The following C8orf34 variants were observed in gnomAD, a reference collection of about 807,000 sequenced individuals.
The protein encoded by C8orf34 is chromosome 8 open reading frame 34, also known as uncharacterized protein C8orf34.
In C8orf34, 65 loss-of-function variants were observed where a neutral mutation model predicts 68.3. That is an observed-to-expected ratio of 0.95 (90% CI 0.78 to 1.17). The LOEUF (loss-of-function observed/expected upper bound fraction) is 1.17, where lower values mean the gene tolerates loss of function less well. Ranked by LOEUF, C8orf34 falls within the 50% of genes most tolerant of loss-of-function variation. The pLI is 0.00. For missense variants in C8orf34, 664 were observed against 655.4 expected (o/e 1.01, Z -0.14); for synonymous variants, 244 against 241.2 (o/e 1.01, Z -0.11).
At chr8:68,763,043 T>C (rs1444891653) in intron 10 of C8orf34, among the ~76,000 whole-genome samples, 1 of 152,214 alleles carries the variant, frequency 6.6e-6, no homozygotes, top group African/African-American at 2.4e-5. Flanking sequence ...GATTGGTCTA[T>C]AAAGTCTGTC....
At chr8:68,391,834 C>T (rs2243700) in intron 1 of C8orf34, among the ~76,000 whole-genome samples, 13,106 of 152,156 alleles carry the variant, frequency 0.086, 660 homozygotes, top group Middle Eastern at 0.12. Context: ...AGACTCCTGC[C>T]GAGAGTGACA....
intron 1 of C8orf34, among the ~76,000 whole-genome samples, chr8:68,377,420 A>C (rs1350777588): frequency 7.4e-6 from 1 of 134,332 alleles, no homozygotes; most frequent in East Asian, 2.1e-4. Context: ...GGAGAAGGAG[A>C]AGGAAGAAAA....
At chr8:68,676,833 A>G (rs1304180284) in intron 8 of C8orf34, among the ~76,000 whole-genome samples, 1 of 152,254 alleles carries the variant, frequency 6.6e-6, no homozygotes, top group Non-Finnish European at 1.5e-5. Flanking sequence ...CCTCATAATC[A>G]TGACAGAAGG....
intron 1 of C8orf34, among the ~76,000 whole-genome samples, chr8:68,392,189 TCATTTAGG>T (rs1340979293): frequency 6.6e-6 from 1 of 152,012 alleles, no homozygotes; most frequent in African/African-American, 2.4e-5. Context: ...TAATTTTTTT[TCATTTAGG>T]CCTTTAATAA....
At chr8:68,704,508 A>G (rs1394114721) in intron 8 of C8orf34, among the ~76,000 whole-genome samples, 1 of 152,182 alleles carries the variant, frequency 6.6e-6, no homozygotes, top group Non-Finnish European at 1.5e-5. Flanking sequence ...TAGAGACTCA[A>G]ATGACTTACG....
intron 3 of C8orf34, among the ~76,000 whole-genome samples, chr8:68,464,894 G>A (rs1442855447): frequency 6.6e-6 from 1 of 151,286 alleles, no homozygotes; most frequent in African/African-American, 2.4e-5. Flanking sequence ...GCATGTGCAA[G>A]GACTTCATGT....
chr8:68,475,663 T>C (rs1195060801), intron 4 of C8orf34, among the ~76,000 whole-genome samples: 1 of 151,988 alleles, frequency 6.6e-6, no homozygotes, highest in Admixed American at 6.5e-5. Context: ...AGTAAGCACG[T>C]AAACAAATAA....
rs139770987 is a variant in C8orf34 at position 68,409,682 on chromosome 8, GTA to G, written c.328-29816_328-29815del. On this transcript the variant is annotated intron_variant, in intron 1 of 13. Coordinates refer to ENST00000518698, the MANE Select transcript of C8orf34 (RefSeq NM_052958.4). ...TTTGTCAATTTAGCATAGCCTAAAT[GTA>G]CAGTGTTGATGAAGTCTACAGCAGT... 5.8e-3 allele frequency among the ~76,000 whole-genome samples: 888 copies of G among 152,190 alleles called. 33 individuals are homozygous for G. The East Asian group carries it at 0.11, about 18-fold the overall frequency.
intron 1 of C8orf34, among the ~76,000 whole-genome samples, chr8:68,348,714 T>G (rs944229662): frequency 1.3e-5 from 2 of 151,086 alleles, no homozygotes; most frequent in African/African-American, 4.9e-5. Flanking sequence ...TATTTTATTG[T>G]TTTTTTTGTG....
intron 1 of C8orf34, among the ~76,000 whole-genome samples, chr8:68,409,462 G>A (rs1037297546): frequency 5.5e-4 from 83 of 151,980 alleles, no homozygotes; most frequent in African/African-American, 1.9e-3. Flanking sequence ...TAAAACATGA[G>A]AAATTAAAAA....
intron 3 of C8orf34, among the ~76,000 whole-genome samples, chr8:68,462,229 A>G (rs1218058029): frequency 6.6e-6 from 1 of 152,178 alleles, no homozygotes; most frequent in Non-Finnish European, 1.5e-5. Context: ...TCAATTCAAC[A>G]AGAAGAGCTA....
intron 7 of C8orf34, among the ~76,000 whole-genome samples, chr8:68,584,881 C>A (rs1000745765): frequency 2.0e-5 from 3 of 152,094 alleles, no homozygotes; most frequent in African/African-American, 7.2e-5. Flanking sequence ...TTAGATACAG[C>A]CCTTCTCCCT....
At chr8:68,677,121 C>T (rs1035221644) in intron 8 of C8orf34, among the ~76,000 whole-genome samples, 11 of 152,094 alleles carry the variant, frequency 7.2e-5, no homozygotes, top group East Asian at 3.9e-4. Context: ...AATAACAAGA[C>T]GAATTTTGGA....
intron 8 of C8orf34, among the ~76,000 whole-genome samples, chr8:68,667,552 G>T (rs1055633875): frequency 6.6e-6 from 1 of 152,108 alleles, no homozygotes; most frequent in South Asian, 2.1e-4. Context: ...AAGGATCTGT[G>T]GTGCTAACTC....
At position 68,446,764 on chromosome 8, in the gene C8orf34, T is replaced by C. The variant is rs1034111586; in HGVS notation, c.607+304T>C. 4 of 363,390 alleles carry C rather than the reference T, an allele frequency of 1.1e-5. No individual in the cohort carries two copies. The Admixed American group carries it at 1.4e-4, about 12-fold the overall frequency. 22.5% of individuals were successfully genotyped at this position (363,390 alleles called of 1,614,324 possible). On this transcript the variant is annotated intron_variant, in intron 3 of 13. Coordinates refer to ENST00000518698, the MANE Select transcript of C8orf34 (RefSeq NM_052958.4). ...TAGCCAATTGTAGCATTACATCATATTGAAAGCAGTAGCTACCTATATTTA... is the reference window on the plus strand; with the variant it reads ...TAGCCAATTGTAGCATTACATCATACTGAAAGCAGTAGCTACCTATATTTA...
rs569012595 is a variant in C8orf34 at position 68,681,387 on chromosome 8, C to T, written c.1242-27607C>T. ...TATGTTCCTCTGCCGTGGCTCCAGCCGGTCCCTCCATTCAGGCTCCCTGAC... is the reference window on the plus strand; with the variant it reads ...TATGTTCCTCTGCCGTGGCTCCAGCTGGTCCCTCCATTCAGGCTCCCTGAC... On this transcript the variant is annotated intron_variant, in intron 8 of 13. Transcript: ENST00000518698. Among the ~76,000 whole-genome samples, 20 of 152,196 alleles carry T rather than the reference C, an allele frequency of 1.3e-4. No individual in the cohort carries two copies. The South Asian group carries it at 2.5e-3, about 19-fold the overall frequency.
chr8:68,448,516 C>T (rs1811214326), intron 3 of C8orf34, among the ~76,000 whole-genome samples: 1 of 152,034 alleles, frequency 6.6e-6, no homozygotes, highest in African/African-American at 2.4e-5. Flanking sequence ...ATCTCTAAAG[C>T]ATCACTAAGA....
At chr8:68,584,496 A>T (rs1176446895) in intron 7 of C8orf34, among the ~76,000 whole-genome samples, 1 of 152,174 alleles carries the variant, frequency 6.6e-6, no homozygotes, top group African/African-American at 2.4e-5. Flanking sequence ...TATATTTGAA[A>T]TATATTCATA....
intron 5 of C8orf34, among the ~76,000 whole-genome samples, chr8:68,507,906 GT>G (rs1263235408): frequency 7.9e-5 from 12 of 152,114 alleles, no homozygotes; most frequent in Admixed American, 7.9e-4. Context: ...ATTACTGGTA[GT>G]TTAGGTGTTG....
Sources: gnomAD v4.1 joint callset for allele counts (sites outside exome capture counted in the v4.1 genomes callset) on GRCh38, gnomAD v4.1.1 for gene constraint, MANE v1.5 for transcripts, NCBI Gene and HGNC (gene_info 2026-07-23, HGNC 2026-07-21) for gene names.